Variants in CHCHD3 observed in about 807,000 individuals in gnomAD.
CHCHD3 encodes the protein MICOS complex subunit MIC19.
In CHCHD3, 20 loss-of-function variants were observed where a neutral mutation model predicts 38.2. The observed-to-expected ratio is 0.52, with a 90% CI of 0.37 to 0.76. CHCHD3 has a LOEUF of 0.76. Among genes scored for constraint, CHCHD3 ranks in the 30% least tolerant of loss-of-function variants. The pLI is 0.00. For missense variants in CHCHD3, 245 were observed against 279.2 expected, an observed-to-expected ratio of 0.88 and a Z score of 0.87; for synonymous variants, 82 against 100.0, an observed-to-expected ratio of 0.82 and a Z score of 1.07.
At position 133,035,192 on chromosome 7, in the gene CHCHD3, C is replaced by G. The variant is rs1584661725; in HGVS notation, c.170-10565G>C. On this transcript the variant is annotated intron_variant, in intron 2 of 7. Transcript: ENST00000262570. The surrounding 1 kb of genome is among the most constrained non-coding windows in gnomAD (Gnocchi z 4.7). ...TCTCCTCCTTCCGCTCAGCCTGGGGCTTCTGCTTCTCTTCCCGTGAACCCT... is the reference window on the plus strand; with the variant it reads ...TCTCCTCCTTCCGCTCAGCCTGGGGGTTCTGCTTCTCTTCCCGTGAACCCT... The G allele has an allele frequency of 6.2e-7, 1 of 1,613,766 alleles. No homozygotes were observed. Among genetic ancestry groups the G allele is most frequent in the African/African-American group, 1.3e-5 (1 of 75,030 alleles).
At chr7:132,789,477 C>T (rs1019540414) in intron 7 of CHCHD3, among the ~76,000 whole-genome samples, 1 of 152,148 alleles carries the variant, frequency 6.6e-6, no homozygotes, top group African/African-American at 2.4e-5. Flanking sequence ...AAGAACAGCG[C>T]CCCTGGAGAC....
At chr7:132,874,003 G>A (rs1243722533) in intron 5 of CHCHD3, among the ~76,000 whole-genome samples, 3 of 152,130 alleles carry the variant, frequency 2.0e-5, no homozygotes, top group East Asian at 1.9e-4. Context: ...AACTTGAGAC[G>A]AGCTGCCCAC....
chr7:132,984,865 C>A (rs1445555976), intron 3 of CHCHD3, among the ~76,000 whole-genome samples: 1 of 111,120 alleles, frequency 9.0e-6, no homozygotes, highest in Admixed American at 9.2e-5. Context: ...GGTCAGCCCC[C>A]CACCCGGCCA....
intron 4 of CHCHD3, among the ~76,000 whole-genome samples, chr7:132,922,313 T>G (rs776568930): frequency 6.6e-6 from 1 of 152,180 alleles, no homozygotes; most frequent in South Asian, 2.1e-4. Context: ...AATCTGTTCA[T>G]AGGCATTAAA....
intron 4 of CHCHD3, among the ~76,000 whole-genome samples, chr7:132,935,538 T>C (rs1189837171): frequency 2.0e-5 from 3 of 152,160 alleles, no homozygotes; most frequent in Non-Finnish European, 4.4e-5. Flanking sequence ...TTTTTGTAAA[T>C]ATCCATCTAT....
intron 2 of CHCHD3, chr7:133,034,680 C>G (rs778481384): frequency 9.3e-6 from 15 of 1,612,886 alleles, no homozygotes; most frequent in Non-Finnish European, 1.1e-5. Flanking sequence ...AAAGTACTCT[C>G]GAACCAGCGT....
rs576515380 is a variant in CHCHD3, at chr7:132,795,592, A to G, written c.660+850T>C. ...AAATTTTACACCAAGTGATATTATT[A>G]TAACTACATCAAATTAGACTGCAGA... On this transcript the variant is annotated intron_variant, in intron 7 of 7. Coordinates refer to ENST00000262570, the MANE Select transcript of CHCHD3 (RefSeq NM_017812.4). 2.0e-5 allele frequency among the ~76,000 whole-genome samples: 3 copies of G among 152,340 alleles called. No individual in the cohort carries two copies. The East Asian group carries it at 5.8e-4, about 29-fold the overall frequency.
chr7:132,972,481 TTGAG>T (rs1411301795), intron 4 of CHCHD3: 8 of 678,790 alleles, frequency 1.2e-5, no homozygotes, highest in Non-Finnish European at 1.5e-5. Context: ...TTGTAGTACA[TTGAG>T]TGATTTTAGT....
intron 6 of CHCHD3, among the ~76,000 whole-genome samples, chr7:132,812,200 CTTTTTTTTTTTTTTTTT>C (rs71529779): frequency 1.2e-5 from 1 of 81,076 alleles, no homozygotes; most frequent in Non-Finnish European, 2.4e-5. Context: ...TTTTTCTTTT[CTTTTTTTTTTTTTTTTT>C]TTTTTTTTTT....
chr7:132,872,668 T>G (rs1014091722), intron 5 of CHCHD3, among the ~76,000 whole-genome samples: 1 of 152,180 alleles, frequency 6.6e-6, no homozygotes, highest in South Asian at 2.1e-4. Context: ...CAAGATTCAC[T>G]ATTAAATAAA....
intron 2 of CHCHD3, among the ~76,000 whole-genome samples, chr7:133,053,159 T>C (rs1814216717): frequency 6.6e-6 from 1 of 152,238 alleles, no homozygotes; most frequent in African/African-American, 2.4e-5. Context: ...ATAGCTATGT[T>C]AGCCCCTGTC....
At chr7:133,002,354 T>C (rs1364742650) in intron 3 of CHCHD3, among the ~76,000 whole-genome samples, 1 of 152,194 alleles carries the variant, frequency 6.6e-6, no homozygotes. Context: ...ATCACTGACT[T>C]GAGATCACAG....
intron 4 of CHCHD3, among the ~76,000 whole-genome samples, chr7:132,929,909 T>C (rs1312410035): frequency 6.6e-6 from 1 of 152,166 alleles, no homozygotes; most frequent in African/African-American, 2.4e-5. Flanking sequence ...TGGCATATTA[T>C]TTCCTGCATG....
At chr7:133,073,150 T>C (rs181339342) in intron 1 of CHCHD3, among the ~76,000 whole-genome samples, 2 of 152,274 alleles carry the variant, frequency 1.3e-5, no homozygotes, top group Admixed American at 1.3e-4. Context: ...CTTTAGCATC[T>C]AACACCTCTG....
At chr7:133,061,454 G>A (rs1400750456) in intron 2 of CHCHD3, among the ~76,000 whole-genome samples, 2 of 149,132 alleles carry the variant, frequency 1.3e-5, no homozygotes, top group African/African-American at 4.9e-5. Context: ...TAGCAATGAT[G>A]GGTGTGGACA....
intron 3 of CHCHD3, among the ~76,000 whole-genome samples, chr7:133,007,086 A>C (rs980960829): frequency 6.6e-6 from 1 of 152,152 alleles, no homozygotes; most frequent in Non-Finnish European, 1.5e-5. Context: ...TAATTTTCTA[A>C]ACAGTGTGAG....
At chr7:132,983,161 A>G (rs1811963276) in intron 3 of CHCHD3, among the ~76,000 whole-genome samples, 1 of 152,118 alleles carries the variant, frequency 6.6e-6, no homozygotes, top group Non-Finnish European at 1.5e-5. Context: ...ATCTCCATTA[A>G]AAATACAAAA....
chr7:133,061,871 G>C (rs140281290), intron 2 of CHCHD3, among the ~76,000 whole-genome samples: 1 of 152,272 alleles, frequency 6.6e-6, no homozygotes, highest in East Asian at 1.9e-4. Flanking sequence ...ATGGGTTCCC[G>C]AGGCTTTTCA....
At chr7:133,053,453 C>T (rs1457393917) in intron 2 of CHCHD3, among the ~76,000 whole-genome samples, 2 of 152,216 alleles carry the variant, frequency 1.3e-5, no homozygotes, top group African/African-American at 2.4e-5. Context: ...TGATTCAGCC[C>T]AAGCCATTCC....
Sources: allele counts gnomAD v4.1 joint callset (sites outside exome capture counted in the v4.1 genomes callset), GRCh38; gene constraint gnomAD v4.1.1; non-coding constraint Gnocchi (gnomAD v3.1); transcripts MANE v1.5; gene names NCBI Gene and HGNC (gene_info 2026-07-23, HGNC 2026-07-21).